Variants in LRP12 observed in about 807,000 individuals in gnomAD.
LRP12 encodes the protein LDL receptor related protein 12.
A neutral mutation model predicts 66.0 loss-of-function variants in LRP12; 14 were observed. That is an observed-to-expected ratio of 0.21 (90% CI 0.14 to 0.33). The LOEUF is 0.33. Among genes scored for constraint, LRP12 ranks in the 10% least tolerant of loss-of-function variants. The pLI, the probability that LRP12 is intolerant of heterozygous loss-of-function variation, is 1.00. For synonymous variants in LRP12, 357 were observed against 359.1 expected (o/e 0.99, Z 0.07); for missense variants, 889 against 1,053.4 (o/e 0.84, Z 2.16).
chr8:104,519,358 T>C (rs115799952), intron 2 of LRP12, among the ~76,000 whole-genome samples: 2,718 of 152,164 alleles, frequency 0.018, 85 homozygotes, highest in African/African-American at 0.061. Flanking sequence ...AAAAAGAAGT[T>C]AGAAAACTGA....
At chr8:104,559,135 T>C (rs551107255) in intron 1 of LRP12, among the ~76,000 whole-genome samples, 1 of 152,084 alleles carries the variant, frequency 6.6e-6, no homozygotes, top group Non-Finnish European at 1.5e-5. Context: ...AGAAGTCATA[T>C]GAAAAAGATA....
intron 1 of LRP12, among the ~76,000 whole-genome samples, chr8:104,563,007 C>T (rs1357572462): frequency 6.6e-6 from 1 of 152,074 alleles, no homozygotes; most frequent in Non-Finnish European, 1.5e-5. Context: ...TTTTGAGCTG[C>T]ATTTTGTTTA....
chr8:104,533,822 T>C (rs954450644), intron 1 of LRP12, among the ~76,000 whole-genome samples: 3 of 152,024 alleles, frequency 2.0e-5, no homozygotes, highest in African/African-American at 7.2e-5. Flanking sequence ...AGTTTAGATA[T>C]ATTTTAAACA....
chr8:104,577,821 A>AG (rs1460448790), intron 1 of LRP12, among the ~76,000 whole-genome samples: 3 of 151,328 alleles, frequency 2.0e-5, no homozygotes, highest in Non-Finnish European at 4.4e-5. Context: ...AAAAAAAAAA[A>AG]AAAAAAGAAA....
At chr8:104,511,791 C>G (rs1031207203) in intron 2 of LRP12, among the ~76,000 whole-genome samples, 7 of 152,076 alleles carry the variant, frequency 4.6e-5, no homozygotes, top group African/African-American at 1.7e-4. Context: ...GGTGCACTGC[C>G]AAAGGGCATC....
intron 1 of LRP12, among the ~76,000 whole-genome samples, chr8:104,543,255 A>G (rs1811506105): frequency 1.3e-5 from 2 of 152,106 alleles, no homozygotes; most frequent in African/African-American, 4.8e-5. Flanking sequence ...CAAGTCTATC[A>G]GTACCATTTT....
intron 6 of LRP12, among the ~76,000 whole-genome samples, chr8:104,494,430 C>T (rs1183851815): frequency 6.6e-6 from 1 of 152,050 alleles, no homozygotes; most frequent in Non-Finnish European, 1.5e-5. Flanking sequence ...CAATGTTTAC[C>T]AGTTTTAATT....
chr8:104,518,749 C>G (rs532004810), intron 2 of LRP12, among the ~76,000 whole-genome samples: 9 of 151,976 alleles, frequency 5.9e-5, no homozygotes, highest in Admixed American at 2.0e-4. Context: ...CATTCTAGAA[C>G]CTACTTTTAA....
chr8:104,506,483 C>T (rs1378462909), intron 3 of LRP12: 2 of 151,834 alleles, frequency 1.3e-5, no homozygotes, highest in African/African-American at 4.8e-5. Flanking sequence ...CTTCTATGTT[C>T]CCCTACTTGG....
intron 2 of LRP12, among the ~76,000 whole-genome samples, chr8:104,516,096 G>C (rs983042553): frequency 6.6e-6 from 1 of 151,792 alleles, no homozygotes; most frequent in African/African-American, 2.4e-5. Flanking sequence ...AATTTACGTT[G>C]GTGAGTTATC....
chr8:104,494,376 GGAGA>G (rs1183597553), intron 6 of LRP12, among the ~76,000 whole-genome samples: 30 of 152,068 alleles, frequency 2.0e-4, no homozygotes, highest in African/African-American at 7.0e-4. Flanking sequence ...TTACCAAAAA[GGAGA>G]TGGTATTCTA....
At chr8:104,580,264 C>A (rs1812224912) in intron 1 of LRP12, among the ~76,000 whole-genome samples, 1 of 151,750 alleles carries the variant, frequency 6.6e-6, no homozygotes, top group African/African-American at 2.4e-5. Context: ...CGCCTGTAAT[C>A]CCAGCACTTT....
In LRP12 at chr8:104,564,564, CA is replaced by C. The variant is rs532032031; in HGVS notation, c.79+24254del. Among the ~76,000 whole-genome samples, 89 of 151,356 alleles carry C rather than the reference CA, an allele frequency of 5.9e-4. 2 individuals carry two copies. The South Asian group carries it at 0.018, about 31-fold the overall frequency. On this transcript the variant is annotated intron_variant, in intron 1 of 6. Coordinates refer to ENST00000276654, the MANE Select transcript of LRP12 (RefSeq NM_013437.5). ...GGGGACAGGGCAGGGAGGGAGTAATCAGGGGAGATAAGAAAGACACAAATCA... is the reference window on the plus strand; with the variant it reads ...GGGGACAGGGCAGGGAGGGAGTAATCGGGGAGATAAGAAAGACACAAATCA...
chr8:104,509,836 G>A (rs143820496), intron 2 of LRP12, among the ~76,000 whole-genome samples: 1 of 152,262 alleles, frequency 6.6e-6, no homozygotes, highest in East Asian at 1.9e-4. Context: ...GTTAATGGCC[G>A]CAGTACCTAA....
At chr8:104,521,435 A>G (rs1160334455) in intron 2 of LRP12, among the ~76,000 whole-genome samples, 1 of 151,326 alleles carries the variant, frequency 6.6e-6, no homozygotes, top group African/African-American at 2.4e-5. Context: ...GTTTCATATA[A>G]GACATTGGCC....
At chr8:104,546,708 T>C (rs961245043) in intron 1 of LRP12, among the ~76,000 whole-genome samples, 1 of 151,668 alleles carries the variant, frequency 6.6e-6, no homozygotes, top group Non-Finnish European at 1.5e-5. Flanking sequence ...GAAAAAAAAT[T>C]AGTATCTGTG....
rs113406282 is a variant in LRP12, at chr8:104,510,971, A to C, written c.137-1897T>G. On this transcript the variant is annotated intron_variant, in intron 2 of 6. Coordinates refer to ENST00000276654, the MANE Select transcript of LRP12 (RefSeq NM_013437.5). ...TTTTAAGTTCTGCTGTAGTTTAAAA[A>C]TCAGGTAACCCAAGAGATGGCCAAA... Among the ~76,000 whole-genome samples the C allele has an allele frequency of 1.6e-3, 247 of 151,980 alleles. 1 individual carries two copies. The highest frequency in any genetic ancestry group is 5.7e-3 in the African/African-American group (235 of 41,430).
At chr8:104,588,655 T>TGG (rs1812375758) in intron 1 of LRP12, among the ~76,000 whole-genome samples, 164 bp downstream of exon 1, 1 of 151,972 alleles carries the variant, frequency 6.6e-6, no homozygotes, top group Non-Finnish European at 1.5e-5. Context: ...CATCTCCGTG[T>TGG]GGGGACACCC....
In LRP12 at chr8:104,509,137, A is replaced by G. The variant is rs1349377963; in HGVS notation, c.137-63T>C. 2.7e-6 allele frequency: 4 copies of G among 1,491,562 alleles called. No individual in the cohort carries two copies. The African/African-American group carries it at 5.6e-5, about 21-fold the overall frequency. 92.4% of individuals were successfully genotyped at this position (1,491,562 alleles called of 1,614,324 possible). A position where few individuals can be genotyped will look rare whatever the true frequency, so the allele number is the denominator to read the frequency against. On this transcript the variant is annotated intron_variant, in intron 2 of 6. Transcript: ENST00000276654. ...ACATTTAAATGGTATTAGGTAAATC[A>G]GTGTTTATTTTTTAAAAACCAAAAA...
Sources: allele counts gnomAD v4.1 joint callset (sites outside exome capture counted in the v4.1 genomes callset), GRCh38; gene constraint gnomAD v4.1.1; transcripts MANE v1.5; gene names NCBI Gene and HGNC (gene_info 2026-07-23, HGNC 2026-07-21).